MTUS2: variants seen among roughly 807,000 people sequenced by gnomAD.
The protein encoded by MTUS2 is microtubule associated scaffold protein 2, also known as microtubule-associated tumor suppressor candidate 2.
A neutral mutation model predicts 114.1 loss-of-function variants in MTUS2; 40 were observed. That is an observed-to-expected ratio of 0.35 (90% confidence interval 0.27 to 0.46). MTUS2 has a LOEUF of 0.46. MTUS2 is among the 20% of genes least tolerant of loss of function. MTUS2 has a pLI of 1.00. For missense variants in MTUS2, 1,679 were observed against 1,705.4 expected (o/e 0.98, Z 0.27); for synonymous variants, 688 against 672.0 (o/e 1.02, Z -0.37).
chr13:28,957,204 G>A (rs1883112986), intron 2 of MTUS2, among the ~76,000 whole-genome samples: 1 of 152,148 alleles, frequency 6.6e-6, no homozygotes, highest in Non-Finnish European at 1.5e-5. Flanking sequence ...CTAATCAGTT[G>A]GTGTTAGTGT....
At chr13:28,973,176 G>T (rs989691899) in intron 2 of MTUS2, among the ~76,000 whole-genome samples, 2 of 152,084 alleles carry the variant, frequency 1.3e-5, no homozygotes, top group Non-Finnish European at 2.9e-5. Context: ...TAGGAAGTTG[G>T]ATGTAAAATT....
chr13:29,318,795 ACT>A (rs1900130337), intron 6 of MTUS2, among the ~76,000 whole-genome samples: 1 of 151,942 alleles, frequency 6.6e-6, no homozygotes, highest in South Asian at 2.1e-4. Context: ...TTTCTGAGAC[ACT>A]CTCTATGGAT....
chr13:29,066,957 A>G (rs1389219228), intron 4 of MTUS2, among the ~76,000 whole-genome samples: 2 of 152,196 alleles, frequency 1.3e-5, no homozygotes, highest in East Asian at 3.9e-4. Context: ...CAAAGGTAGA[A>G]TATAGATCTG....
At chr13:29,150,275 G>A (rs914467499) in intron 5 of MTUS2, among the ~76,000 whole-genome samples, 1 of 151,848 alleles carries the variant, frequency 6.6e-6, no homozygotes, top group Non-Finnish European at 1.5e-5. Flanking sequence ...TCTTTTTGTA[G>A]CAATTGTGAG....
chr13:29,199,375 G>A (rs575522085), intron 5 of MTUS2, among the ~76,000 whole-genome samples: 39 of 152,288 alleles, frequency 2.6e-4, no homozygotes, highest in African/African-American at 8.9e-4. Flanking sequence ...TAAATACTTA[G>A]TTTATTGAGA....
rs1236549413 is a variant in MTUS2 at position 29,505,852 on chromosome 13, G to T, written c.*2646G>T. 1 of 228,834 alleles carries T rather than the reference G, an allele frequency of 4.4e-6. No homozygotes were observed. Among genetic ancestry groups the T allele is most frequent in the Non-Finnish European group, 8.7e-6 (1 of 115,240 alleles). The allele number at this position is 228,834 out of a possible 1,614,324, so 14.2% of individuals were successfully genotyped here. On this transcript the variant is annotated 3_prime_UTR_variant, in exon 16 of 16. Transcript: ENST00000612955. ...CAGCCCTGGCCGTGATTAGTTGAAT[G>T]AATGGGGTCACAACATCCCTTTTCC...
intron 2 of MTUS2, among the ~76,000 whole-genome samples, chr13:28,983,699 CCCAGGCCCTTGGAA>C (rs1250262448): frequency 6.6e-6 from 1 of 152,172 alleles, no homozygotes; most frequent in Non-Finnish European, 1.5e-5. Context: ...TGGGTCCCAC[CCCAGGCCCTTGGAA>C]CCAGAAACTC....
chr13:29,099,387 G>T (rs907773384), intron 4 of MTUS2, among the ~76,000 whole-genome samples: 1 of 152,160 alleles, frequency 6.6e-6, no homozygotes, highest in Non-Finnish European at 1.5e-5. Context: ...CCACAGCTGT[G>T]CAGCTTCTGC....
chr13:29,199,205 G>A (rs754250646), intron 5 of MTUS2, among the ~76,000 whole-genome samples: 10 of 152,182 alleles, frequency 6.6e-5, no homozygotes, highest in Non-Finnish European at 1.5e-4. Flanking sequence ...CTACAAGGCT[G>A]CAGTAACCTT....
At chr13:29,462,395 G>A (rs931195196) in intron 9 of MTUS2, among the ~76,000 whole-genome samples, 4 of 152,296 alleles carry the variant, frequency 2.6e-5, no homozygotes, top group African/African-American at 7.2e-5. Context: ...CTTCAGAGTC[G>A]CTTTGGCTGC....
intron 5 of MTUS2, among the ~76,000 whole-genome samples, chr13:29,265,567 T>C (rs1402503203): frequency 6.6e-6 from 1 of 152,192 alleles, no homozygotes; most frequent in Non-Finnish European, 1.5e-5. Flanking sequence ...GGGTAATTTA[T>C]AAATTTAGAA....
intron 11 of MTUS2, 79 bp downstream of exon 11, chr13:29,488,084 C>T: frequency 1.8e-6 from 2 of 1,083,764 alleles, no homozygotes; most frequent in Non-Finnish European, 2.8e-6. Context: ...GTGTGGAGCC[C>T]CCCTTCCTCT....
intron 9 of MTUS2, among the ~76,000 whole-genome samples, chr13:29,470,860 C>T (rs1880229932): frequency 6.6e-6 from 1 of 152,206 alleles, no homozygotes; most frequent in South Asian, 2.1e-4. Flanking sequence ...TTCCTTCTAA[C>T]TGGGACTCCC....
intron 5 of MTUS2, among the ~76,000 whole-genome samples, chr13:29,264,064 T>C (rs368893281): frequency 9.2e-5 from 14 of 152,320 alleles, no homozygotes; most frequent in African/African-American, 3.1e-4. Flanking sequence ...AAACAAATTA[T>C]CGACTTCCAA....
intron 8 of MTUS2, among the ~76,000 whole-genome samples, chr13:29,389,375 A>ATG (rs1440970853): frequency 0.014 from 510 of 36,610 alleles, 77 homozygotes; most frequent in Non-Finnish European, 0.022. Flanking sequence ...ACGTGTGTGT[A>ATG]TATATGTATA....
chr13:29,362,052 C>G (rs927122228), intron 8 of MTUS2, among the ~76,000 whole-genome samples: 2 of 152,176 alleles, frequency 1.3e-5, no homozygotes, highest in African/African-American at 4.8e-5. Context: ...TTCTCTTTCC[C>G]CCTGGCTGAG....
At chr13:29,396,621 T>G (rs1873936161) in intron 8 of MTUS2, among the ~76,000 whole-genome samples, 1 of 152,216 alleles carries the variant, frequency 6.6e-6, no homozygotes, top group Admixed American at 6.5e-5. Context: ...ATAGTGTGGC[T>G]TAGGAGGCTT....
intron 9 of MTUS2, among the ~76,000 whole-genome samples, chr13:29,458,419 C>T (rs1046141432): frequency 5.3e-5 from 8 of 152,142 alleles, no homozygotes; most frequent in African/African-American, 1.7e-4. Context: ...TTCAGGGATT[C>T]GTAAGCTATA....
At chr13:28,951,641 A>G (rs1416987625) in intron 2 of MTUS2, among the ~76,000 whole-genome samples, 3 of 152,106 alleles carry the variant, frequency 2.0e-5, no homozygotes, top group Non-Finnish European at 2.9e-5. Flanking sequence ...TCTACTAAAA[A>G]TACAAAAATG....
Sources: gnomAD v4.1 joint callset for allele counts (sites outside exome capture counted in the v4.1 genomes callset) on GRCh38, gnomAD v4.1.1 for gene constraint, MANE v1.5 for transcripts, NCBI Gene and HGNC (gene_info 2026-07-23, HGNC 2026-07-21) for gene names.